STXBP4: variants seen among roughly 807,000 people sequenced by gnomAD.
STXBP4 encodes syntaxin-binding protein 4.
STXBP4 carries 55 observed loss-of-function variants against 76.1 expected under a neutral mutation model. The ratio of observed to expected loss-of-function variants is 0.72; its 90% CI spans 0.58 to 0.91. STXBP4 has a LOEUF of 0.91. STXBP4 is among the 40% of genes least tolerant of loss of function. STXBP4 has a pLI of 0.00. For synonymous variants in STXBP4, 201 were observed against 220.2 expected (o/e 0.91, Z 0.77); for missense variants, 618 against 636.9 (o/e 0.97, Z 0.32).
chr17:55,095,096 A>C (rs933084946), intron 16 of STXBP4, among the ~76,000 whole-genome samples: 3 of 152,202 alleles, frequency 2.0e-5, no homozygotes, highest in African/African-American at 7.2e-5. Flanking sequence ...GATGTGTACT[A>C]TCTAGTACTT....
intron 8 of STXBP4, among the ~76,000 whole-genome samples, chr17:55,028,415 T>G (rs2078452065): frequency 6.6e-6 from 1 of 152,172 alleles, no homozygotes; most frequent in South Asian, 2.1e-4. Context: ...AACACTATAG[T>G]GTGACAATTT....
intron 11 of STXBP4, chr17:55,043,817 C>CT (rs1382023468): frequency 6.6e-6 from 4 of 603,274 alleles, no homozygotes; most frequent in Non-Finnish European, 1.1e-5. Flanking sequence ...TTTTTCTTCT[C>CT]TTTTTTTGTT....
At chr17:55,181,879 C>A in the STXBP4 span, among the ~76,000 whole-genome samples, 1 of 152,020 alleles carries the variant, frequency 6.6e-6, no homozygotes, top group Non-Finnish European at 1.5e-5. Flanking sequence ...TAGGAGGAGT[C>A]CAGAGCCCAC....
At chr17:54,982,815 A>G (rs1193147640) in intron 1 of STXBP4, among the ~76,000 whole-genome samples, 1 of 152,224 alleles carries the variant, frequency 6.6e-6, no homozygotes, top group African/African-American at 2.4e-5. Flanking sequence ...CTGTTTAATC[A>G]ATAGTGTCAT....
At chr17:55,007,375 A>T in intron 7 of STXBP4, 131 bp from the exon 8 acceptor site, 1 of 713,806 alleles carries the variant, frequency 1.4e-6, no homozygotes, top group Non-Finnish European at 2.4e-6. Flanking sequence ...AATTATGCAA[A>T]CAAAACTAAA....
chr17:55,210,781 T>A, the STXBP4 span, among the ~76,000 whole-genome samples: 2 of 152,350 alleles, frequency 1.3e-5, no homozygotes, highest in Admixed American at 1.3e-4. Flanking sequence ...TGCATAAATA[T>A]GGGCCCTGCT....
intron 2 of STXBP4, 61 bp from the exon 3 acceptor site, chr17:54,986,081 T>A (rs972447314): frequency 1.4e-6 from 1 of 715,002 alleles, no homozygotes; most frequent in South Asian, 1.7e-5. Context: ...TTATGAACAG[T>A]TGGAATCAAA....
chr17:55,202,768 T>C, the STXBP4 span, among the ~76,000 whole-genome samples: 1 of 152,290 alleles, frequency 6.6e-6, no homozygotes, highest in Non-Finnish European at 1.5e-5. Flanking sequence ...TGTGATTCCA[T>C]TGGTGATGGA....
intron 12 of STXBP4, among the ~76,000 whole-genome samples, chr17:55,053,096 A>G (rs1469196634): frequency 6.6e-6 from 1 of 152,018 alleles, no homozygotes; most frequent in Non-Finnish European, 1.5e-5. Context: ...AATGGGAAAA[A>G]TGCTATAAAG....
intron 16 of STXBP4, among the ~76,000 whole-genome samples, chr17:55,089,216 T>TGCC (rs1386820603): frequency 3.8e-4 from 58 of 152,360 alleles, no homozygotes; most frequent in African/African-American, 1.3e-3. Context: ...TTGCTGCTGC[T>TGCC]GCCACTGCCA....
intron 4 of STXBP4, among the ~76,000 whole-genome samples, chr17:54,996,264 C>G (rs2077800459): frequency 6.7e-6 from 1 of 149,044 alleles, no homozygotes. Flanking sequence ...GATGGGAATT[C>G]ATATGTGTGA....
At chr17:55,107,493 G>A (rs550564486) in intron 16 of STXBP4, among the ~76,000 whole-genome samples, 11 of 152,348 alleles carry the variant, frequency 7.2e-5, no homozygotes, top group African/African-American at 2.4e-5. Flanking sequence ...GTGAGGAGTT[G>A]TGATCCTTTG....
At chr17:55,086,058 A>G (rs552193561) in intron 16 of STXBP4, among the ~76,000 whole-genome samples, 26 of 152,120 alleles carry the variant, frequency 1.7e-4, no homozygotes, top group Non-Finnish European at 3.8e-4. Flanking sequence ...GCCATCATTA[A>G]TTTTCATTAT....
At chr17:55,061,061 A>G (rs1041284377) in intron 12 of STXBP4, among the ~76,000 whole-genome samples, 1 of 152,178 alleles carries the variant, frequency 6.6e-6, no homozygotes, top group African/African-American at 2.4e-5. Context: ...GGTTGAGTTC[A>G]GTTCTTGAGA....
chr17:55,050,675 G>GTTTGTT (rs2078848116), intron 12 of STXBP4, among the ~76,000 whole-genome samples: 1 of 152,086 alleles, frequency 6.6e-6, no homozygotes, highest in East Asian at 1.9e-4. Flanking sequence ...CTTTTTGTTT[G>GTTTGTT]TTTGTTTTTG....
chr17:55,072,790 T>C, intron 12 of STXBP4, 110 bp from the exon 13 acceptor site: 1 of 768,342 alleles, frequency 1.3e-6, no homozygotes. Flanking sequence ...ATAATATATG[T>C]ATATTGACTT....
intron 16 of STXBP4, among the ~76,000 whole-genome samples, chr17:55,082,116 A>G (rs2079263185): frequency 1.3e-5 from 2 of 152,210 alleles, no homozygotes; most frequent in African/African-American, 2.4e-5. Context: ...GAGGTGATTT[A>G]TAATAAAATT....
chr17:55,137,271 T>G (rs2787473), intron 16 of STXBP4, among the ~76,000 whole-genome samples: 1 of 146,344 alleles, frequency 6.8e-6, no homozygotes, highest in Non-Finnish European at 1.5e-5. Context: ...CACACCTCCA[T>G]GTTCCCTCCC....
At chr17:55,185,242 T>TCTTCTTCTTCTTCTTCTTCTC in the STXBP4 span, among the ~76,000 whole-genome samples, 4 of 50,340 alleles carry the variant, frequency 7.9e-5, no homozygotes, top group African/African-American at 3.2e-4. Context: ...TTCTTCTTCT[T>TCTTCTTCTTCTTCTTCTTCTC]CTTCTTCTCC....
Sources: allele counts gnomAD v4.1 joint callset (sites outside exome capture counted in the v4.1 genomes callset), GRCh38; gene constraint gnomAD v4.1.1; transcripts MANE v1.5; gene names NCBI Gene and HGNC (gene_info 2026-07-23, HGNC 2026-07-21).